The following TULP3 variants were observed in gnomAD, a reference collection of about 807,000 sequenced individuals.
TULP3 encodes the protein TUB like protein 3.
A neutral mutation model predicts 50.7 loss-of-function variants in TULP3; 38 were observed. The observed-to-expected ratio is 0.75, with a 90% CI of 0.58 to 0.98. The LOEUF (loss-of-function observed/expected upper bound fraction) is 0.98, where lower values mean the gene tolerates loss of function less well. Ranked by LOEUF, TULP3 falls within the 50% of genes least tolerant of loss-of-function variation. TULP3 has a pLI of 0.00. For missense variants in TULP3, 550 were observed against 568.0 expected (o/e 0.97, Z 0.32); for synonymous variants, 183 against 196.6 (o/e 0.93, Z 0.58).
chr12:2,899,621 T>C (rs185049114), intron 1 of TULP3, among the ~76,000 whole-genome samples: 80 of 151,872 alleles, frequency 5.3e-4, no homozygotes, highest in East Asian at 3.1e-3. Context: ...GGGCCGGGCG[T>C]GGTGGCTCAC....
intron 2 of TULP3, among the ~76,000 whole-genome samples, chr12:2,918,873 CT>C (rs2098190165): frequency 6.6e-6 from 1 of 150,750 alleles, no homozygotes; most frequent in African/African-American, 2.4e-5. Flanking sequence ...TACAAGACCT[CT>C]TGGTTGCTAG....
chr12:2,910,506 G>A (rs2098184850), intron 2 of TULP3, among the ~76,000 whole-genome samples: 1 of 152,200 alleles, frequency 6.6e-6, no homozygotes, highest in Non-Finnish European at 1.5e-5. Flanking sequence ...GTTACATGCT[G>A]TGATCATCAT....
At chr12:2,905,989 T>C (rs906165639) in intron 1 of TULP3, among the ~76,000 whole-genome samples, 6 of 150,732 alleles carry the variant, frequency 4.0e-5, no homozygotes, top group Non-Finnish European at 8.9e-5. Context: ...GCCACTGCAC[T>C]CTAGCCCAGG....
chr12:2,895,420 GAT>G (rs2098174988), intron 1 of TULP3, among the ~76,000 whole-genome samples: 1 of 152,188 alleles, frequency 6.6e-6, no homozygotes, highest in East Asian at 1.9e-4. Flanking sequence ...GATGAGGAAG[GAT>G]AGATGTCAAA....
chr12:2,939,936 T>C lies in TULP3; in HGVS notation c.*492T>C. 7.9e-7 allele frequency: 1 copy of C among 1,271,142 alleles called. No individual in the cohort carries two copies. The highest frequency in any genetic ancestry group is 1.2e-5 in the South Asian group (1 of 80,308). 78.7% of individuals were successfully genotyped at this position (1,271,142 alleles called of 1,614,324 possible). A position where few individuals can be genotyped will look rare whatever the true frequency, so the allele number is the denominator to read the frequency against. On this transcript the variant is annotated 3_prime_UTR_variant, in exon 11 of 11. Coordinates refer to ENST00000448120, the MANE Select transcript of TULP3 (RefSeq NM_003324.5). The surrounding 1 kb of genome is among the most constrained non-coding windows in gnomAD (Gnocchi z 4.0). ...CTTGTCACATTGGGGTCTCCAAAGC[T>C]AGAATGGGATTTCATGTGCTTGGAA...
At chr12:2,930,996 A>G in intron 5 of TULP3, 41 bp from the exon 6 acceptor site, 1 of 1,606,262 alleles carries the variant, frequency 6.2e-7, no homozygotes, top group Non-Finnish European at 8.5e-7. Context: ...TCAGATTTTG[A>G]GTCTCGGCCT....
rs149808986 is a variant in TULP3 at position 2,940,508 on chromosome 12, T to TA, written c.*1065dup. ...ACCCCTCCACGTATTATGTGACTCT[T>TA]ACACCAGTTCACCCTTCCCAGAATG... On this transcript the variant is annotated 3_prime_UTR_variant, in exon 11 of 11. Coordinates refer to ENST00000448120, the MANE Select transcript of TULP3 (RefSeq NM_003324.5). The TA allele has an allele frequency of 2.2e-3, 3,427 of 1,537,488 alleles. 62 individuals carry two copies. The African/African-American group carries it at 0.04, about 18-fold the overall frequency.
intron 1 of TULP3, among the ~76,000 whole-genome samples, chr12:2,901,836 T>C (rs552178339): frequency 6.6e-6 from 1 of 152,332 alleles, no homozygotes; most frequent in South Asian, 2.1e-4. Context: ...ACAAAAGTTT[T>C]TCATTTTGAT....
At chr12:2,921,733 T>C (rs1345799189) in intron 3 of TULP3, among the ~76,000 whole-genome samples, 1 of 152,122 alleles carries the variant, frequency 6.6e-6, no homozygotes, top group African/African-American at 2.4e-5. Flanking sequence ...GAAGTACATA[T>C]TACTTCAGTT....
Position 2,940,667 on chromosome 12 carries a change from C to T in TULP3, c.*1223C>T, listed in dbSNP as rs749068816. On this transcript the variant is annotated 3_prime_UTR_variant, in exon 11 of 11. Coordinates refer to ENST00000448120, the MANE Select transcript of TULP3 (RefSeq NM_003324.5). ...GCGGCTGCTCCCTCAGACCTCCCTTCTGTGGACTGACCTCTCACCTCCGCC... is the reference window on the plus strand; with the variant it reads ...GCGGCTGCTCCCTCAGACCTCCCTTTTGTGGACTGACCTCTCACCTCCGCC... 1.3e-6 allele frequency: 2 copies of T among 1,551,742 alleles called. No homozygotes were observed. The highest frequency in any genetic ancestry group is 2.4e-5 in the South Asian group (2 of 84,056).
chr12:2,940,313 A>G lies in TULP3; in HGVS notation c.*869A>G. The stretch of plus-strand genomic sequence containing the variant: ...AGAGAGATGGCAGTATTGACCATTT[A>G]GTTTAGTTAAAAAAAAAAAAAAAAA... On this transcript the variant is annotated 3_prime_UTR_variant, in exon 11 of 11. Transcript: ENST00000448120. The G allele has an allele frequency of 7.1e-7, 1 of 1,404,916 alleles. No individual in the cohort carries two copies. The highest frequency in any genetic ancestry group is 9.2e-7 in the Non-Finnish European group (1 of 1,082,910). The allele number at this position is 1,404,916 out of a possible 1,614,324, so 87.0% of individuals were successfully genotyped here.
At chr12:2,920,997 C>T (rs764551474) in intron 3 of TULP3, 75 bp downstream of exon 3, 199 of 1,556,862 alleles carry the variant, frequency 1.3e-4, no homozygotes, top group Middle Eastern at 1.7e-4. Context: ...GATTGTCAGA[C>T]GGACCAAAGG....
intron 1 of TULP3, among the ~76,000 whole-genome samples, chr12:2,891,992 G>C (rs2098172398): frequency 6.6e-6 from 1 of 152,084 alleles, no homozygotes; most frequent in Non-Finnish European, 1.5e-5. Context: ...AGACTGAGGA[G>C]GGAGGATTCC....
chr12:2,935,403 C>T (rs1323704508), intron 8 of TULP3, among the ~76,000 whole-genome samples: 1 of 152,180 alleles, frequency 6.6e-6, no homozygotes, highest in African/African-American at 2.4e-5. Context: ...ATTACTTGTT[C>T]AACATGAACC....
intron 6 of TULP3, among the ~76,000 whole-genome samples, 181 bp from the exon 7 acceptor site, chr12:2,933,237 T>G (rs11062422): frequency 0.48 from 73,020 of 152,002 alleles, 18,054 homozygotes; most frequent in African/African-American, 0.6. Context: ...CACCACACCC[T>G]GCCTGATAGT....
chr12:2,894,875 C>G (rs1170238682), intron 1 of TULP3, among the ~76,000 whole-genome samples: 2 of 151,790 alleles, frequency 1.3e-5, no homozygotes, highest in Non-Finnish European at 2.9e-5. Context: ...GCCTGGGCGA[C>G]AAGAGCAAAA....
In TULP3 at chr12:2,933,347, G is replaced by A. The variant is rs1318089913; in HGVS notation, c.697-71G>A. On this transcript the variant is annotated intron_variant, in intron 6 of 10. Transcript: ENST00000448120. ...TAAGCACTGGCTGAATGAATATGTA[G>A]GACAACCATGACCAGAGGTGGGGCA... 45 of 917,282 alleles carry A rather than the reference G, an allele frequency of 4.9e-5. No homozygotes were observed. The East Asian group carries it at 1.0e-3, about 21-fold the overall frequency. The allele number at this position is 917,282 out of a possible 1,614,324, so 56.8% of individuals were successfully genotyped here.
At chr12:2,924,089 T>C (rs2098193342) in intron 4 of TULP3, among the ~76,000 whole-genome samples, 1 of 152,208 alleles carries the variant, frequency 6.6e-6, no homozygotes, top group South Asian at 2.1e-4. Context: ...GTTCCTGCCC[T>C]CATGGAGCGC....
At chr12:2,895,066 T>C (rs1470419404) in intron 1 of TULP3, among the ~76,000 whole-genome samples, 1 of 152,234 alleles carries the variant, frequency 6.6e-6, no homozygotes, top group African/African-American at 2.4e-5. Flanking sequence ...TTTTAACTTC[T>C]GGATTAAATC....
Sources: allele counts gnomAD v4.1 joint callset (sites outside exome capture counted in the v4.1 genomes callset), GRCh38; gene constraint gnomAD v4.1.1; non-coding constraint Gnocchi (gnomAD v3.1); transcripts MANE v1.5; gene names NCBI Gene and HGNC (gene_info 2026-07-23, HGNC 2026-07-21).